ANKRD49: variants seen among roughly 807,000 people sequenced by gnomAD.
ANKRD49 encodes the protein ankyrin repeat domain 49.
A neutral mutation model predicts 19.6 loss-of-function variants in ANKRD49; 18 were observed. The observed-to-expected ratio is 0.92, with a 90% confidence interval of 0.63 to 1.36. ANKRD49 has a LOEUF of 1.36. Among genes scored for constraint, ANKRD49 ranks in the 40% most tolerant of loss-of-function variants. ANKRD49 has a pLI of 0.00. For missense variants in ANKRD49, 218 were observed against 281.6 expected, an observed-to-expected ratio of 0.77 and a Z score of 1.62; for synonymous variants, 88 against 101.8, an observed-to-expected ratio of 0.86 and a Z score of 0.82.
chr11:94,497,032 T>C (rs546706480), intron 2 of ANKRD49, 81 bp downstream of exon 2: 491 of 1,560,152 alleles, frequency 3.1e-4, no homozygotes, highest in Non-Finnish European at 4.1e-4. Context: ...TTTACTGTTA[T>C]GGCCATCATA....
In ANKRD49 at chr11:94,498,735, A is replaced by C; in HGVS notation, c.*203A>C. 3.5e-6 allele frequency: 2 copies of C among 576,864 alleles called. No homozygotes were observed. The highest frequency in any genetic ancestry group is 6.0e-6 in the Non-Finnish European group (2 of 332,424). 35.7% of individuals were successfully genotyped at this position (576,864 alleles called of 1,614,324 possible). ...CATATATCTTTAATTATTTCTGTGG[A>C]GTTTGTGATTTTTTTATCAGAAATA... On this transcript the variant is annotated 3_prime_UTR_variant, in exon 3 of 3. Transcript: ENST00000544612.
chr11:94,494,616 A>G (rs1459883955), intron 1 of ANKRD49, among the ~76,000 whole-genome samples: 1 of 152,188 alleles, frequency 6.6e-6, no homozygotes, highest in Non-Finnish European at 1.5e-5. Flanking sequence ...CTGATGGAAT[A>G]TCAGGAATAT....
rs555005945 is a variant in ANKRD49, at chr11:94,496,639, G to A, written c.-55G>A. ...ACAAAGCAGTCATAATTCATCTCTA[G>A]AAAGATTTATATCCTGGCATTTGAA... is the stretch of plus-strand genomic sequence containing the variant. On this transcript the variant is annotated 5_prime_UTR_variant, in exon 2 of 3. The change abolishes the stop of an existing upstream ORF in the 5' untranslated region. Transcript: ENST00000544612. The A allele has an allele frequency of 6.2e-6, 9 of 1,448,418 alleles. 1 individual carries two copies. In the South Asian group the frequency reaches 1.3e-4, roughly 20 times the overall value. The allele number at this position is 1,448,418 out of a possible 1,614,324, so 89.7% of individuals were successfully genotyped here. A position where few individuals can be genotyped will look rare whatever the true frequency, so the allele number is the denominator to read the frequency against.
At chr11:94,496,076 G>C (rs1221420093) in intron 1 of ANKRD49, among the ~76,000 whole-genome samples, 2 of 152,184 alleles carry the variant, frequency 1.3e-5, no homozygotes. Context: ...AATTATCAAA[G>C]TAGAAATAGG....
chr11:94,498,577 G>A lies in ANKRD49; in HGVS notation c.*45G>A. On this transcript the variant is annotated 3_prime_UTR_variant, in exon 3 of 3. Coordinates refer to ENST00000544612, the MANE Select transcript of ANKRD49 (RefSeq NM_017704.3). Reference sequence around the variant, plus strand: ...AAGTTTCTAAATACCAGTGCCTCCTGTGTGTGAGATGTATTCCCATAATCA... The same window carrying A: ...AAGTTTCTAAATACCAGTGCCTCCTATGTGTGAGATGTATTCCCATAATCA... 6.7e-7 allele frequency: 1 copy of A among 1,484,170 alleles called. No individual in the cohort carries two copies. Among genetic ancestry groups the A allele is most frequent in the Non-Finnish European group, 9.2e-7 (1 of 1,084,702 alleles). The allele number at this position is 1,484,170 out of a possible 1,614,324, so 91.9% of individuals were successfully genotyped here. A position where few individuals can be genotyped will look rare whatever the true frequency, so the allele number is the denominator to read the frequency against.
Position 94,498,768 on chromosome 11 carries a change from T to C in ANKRD49, c.*236T>C. On this transcript the variant is annotated 3_prime_UTR_variant, in exon 3 of 3. Coordinates refer to ENST00000544612, the MANE Select transcript of ANKRD49 (RefSeq NM_017704.3). Reference sequence around the variant, plus strand: ...ATTTTTTTATCAGAAATAATTTTAATGTGTGTATACTTAAAAACTTGACAC... The same window carrying C: ...ATTTTTTTATCAGAAATAATTTTAACGTGTGTATACTTAAAAACTTGACAC... 1 of 535,400 alleles carries C rather than the reference T, an allele frequency of 1.9e-6. No homozygotes were observed. The highest frequency in any genetic ancestry group is 3.3e-6 in the Non-Finnish European group (1 of 303,464). 33.2% of individuals were successfully genotyped at this position (535,400 alleles called of 1,614,324 possible). A position where few individuals can be genotyped will look rare whatever the true frequency, so the allele number is the denominator to read the frequency against.
intron 2 of ANKRD49, chr11:94,497,633 T>C (rs1183715224): frequency 1.3e-5 from 2 of 157,810 alleles, no homozygotes; most frequent in Non-Finnish European, 1.4e-5. Context: ...ATTAATACTT[T>C]ATTCTTCTGT....
intron 1 of ANKRD49, among the ~76,000 whole-genome samples, chr11:94,494,780 GA>G (rs1462095457): frequency 6.6e-6 from 1 of 152,120 alleles, no homozygotes; most frequent in Non-Finnish European, 1.5e-5. Context: ...AGTTTTTATT[GA>G]AAGGAAAAGC....
intron 2 of ANKRD49, chr11:94,497,288 T>A (rs1158346947): frequency 2.2e-6 from 1 of 463,140 alleles, no homozygotes; most frequent in African/African-American, 2.0e-5. Context: ...TTTTATTTAA[T>A]CATCATGTAT....
chr11:94,496,587 T>C lies in ANKRD49; in HGVS notation c.-90-17T>C, dbSNP rs1947421520. Reference sequence around the variant, plus strand: ...GAATTATTGTTTTACTAATAACTTTTGTATTTGTGTTTTCAGATCTTGATG... The same window carrying C: ...GAATTATTGTTTTACTAATAACTTTCGTATTTGTGTTTTCAGATCTTGATG... On this transcript the variant is annotated splice_polypyrimidine_tract_variant and intron_variant, in intron 1 of 2. Coordinates refer to ENST00000544612, the MANE Select transcript of ANKRD49 (RefSeq NM_017704.3). 3.8e-6 allele frequency: 4 copies of C among 1,042,134 alleles called. No homozygotes were observed. The Admixed American group carries it at 7.5e-5, about 19-fold the overall frequency. The allele number at this position is 1,042,134 out of a possible 1,614,324, so 64.6% of individuals were successfully genotyped here. A position where few individuals can be genotyped will look rare whatever the true frequency, so the allele number is the denominator to read the frequency against.
At chr11:94,495,380 G>A (rs1200211011) in intron 1 of ANKRD49, among the ~76,000 whole-genome samples, 1 of 152,114 alleles carries the variant, frequency 6.6e-6, no homozygotes, top group Non-Finnish European at 1.5e-5. Context: ...GTTAAATGTG[G>A]TCCTTATCTT....
chr11:94,498,112 C>A lies in ANKRD49; in HGVS notation c.300C>A (p.His100Gln). 9 of 1,613,816 alleles carry A rather than the reference C, an allele frequency of 5.6e-6. No homozygotes were observed. The highest frequency in any genetic ancestry group is 7.6e-6 in the Non-Finnish European group (9 of 1,179,944). The change falls in exon 3 of 3, where the codon CAC becomes CAA. Residue 100 changes from histidine to glutamine, a missense_variant. His to Gln is a conservative substitution (Grantham distance 24). Coordinates refer to ENST00000544612, the MANE Select transcript of ANKRD49 (RefSeq NM_017704.3). ...VRRLLSEKAT[H>Q]VNTRDEDEYT... ...GACTCCTTTCTGAAAAGGCCACTCA[C>A]GTGAACACTAGGGATGAAGATGAGT... is the stretch of plus-strand genomic sequence containing the variant.
At chr11:94,495,887 T>G (rs192861162) in intron 1 of ANKRD49, among the ~76,000 whole-genome samples, 1 of 152,320 alleles carries the variant, frequency 6.6e-6, no homozygotes, top group East Asian at 1.9e-4. Context: ...TGGATCTTGC[T>G]CATTATTGAA....
intron 1 of ANKRD49, among the ~76,000 whole-genome samples, chr11:94,494,838 G>C (rs972855253): frequency 5.3e-5 from 8 of 152,268 alleles, no homozygotes; most frequent in Middle Eastern, 3.4e-3. Flanking sequence ...TACTATATTT[G>C]ATATAATTAC....
At chr11:94,494,317 GC>G (rs1304430273) in intron 1 of ANKRD49, 15 of 152,406 alleles carry the variant, frequency 9.8e-5, no homozygotes, top group African/African-American at 3.6e-4. Context: ...TACAGGTGTC[GC>G]CCCTAGGTCC....
chr11:94,496,370 TATAATA>T (rs1947418610), intron 1 of ANKRD49, among the ~76,000 whole-genome samples: 11 of 152,120 alleles, frequency 7.2e-5, no homozygotes, highest in Admixed American at 6.5e-4. Flanking sequence ...AAATAATAGT[TATAATA>T]ATATAATTGA....
At chr11:94,494,343 TC>T in intron 1 of ANKRD49, among the ~76,000 whole-genome samples, 1 of 152,184 alleles carries the variant, frequency 6.6e-6, no homozygotes, top group Non-Finnish European at 1.5e-5. Flanking sequence ...GTTCAGCACA[TC>T]TGCACTGCTT....
At chr11:94,494,983 A>G (rs1240275917) in intron 1 of ANKRD49, among the ~76,000 whole-genome samples, 1 of 152,218 alleles carries the variant, frequency 6.6e-6, no homozygotes, top group African/African-American at 2.4e-5. Flanking sequence ...AATAAAACAC[A>G]GAGCAATTCT....
Position 94,498,531 on chromosome 11 carries a change from A to T in ANKRD49, c.719A>T (p.Ter240LeuextTer3). 3 of 1,603,558 alleles carry T rather than the reference A, an allele frequency of 1.9e-6. No homozygotes were observed. The highest frequency in any genetic ancestry group is 2.6e-6 in the Non-Finnish European group (3 of 1,174,516). Residue 240 changes from the stop codon to leucine (L), a stop_lost, in exon 3 of 3, where the codon TAA becomes TTA. Transcript: ENST00000544612. ...TGTACAAATTCTTCACCTCAGTCTT[A>T]ACAATTCTAGTAATTTTCCTAAGTT... ...EGCTNSSPQS[*>L]
Sources: gnomAD v4.1 joint callset for allele counts (sites outside exome capture counted in the v4.1 genomes callset) on GRCh38, gnomAD v4.1.1 for gene constraint, MANE v1.5 for transcripts, NCBI Gene and HGNC (gene_info 2026-07-23, HGNC 2026-07-21) for gene names.